BLK: variants seen among roughly 807,000 people sequenced by gnomAD.
BLK encodes the protein tyrosine-protein kinase Blk.
BLK carries 64 observed loss-of-function variants against 61.8 expected under a neutral mutation model. The observed-to-expected ratio is 1.03, with a 90% CI of 0.85 to 1.27. BLK has a LOEUF of 1.27. BLK is among the 50% of genes most tolerant of loss of function. The pLI, the probability that BLK is intolerant of heterozygous loss-of-function variation, is 0.00. For synonymous variants in BLK, 351 were observed against 272.0 expected (o/e 1.29, Z -2.86); for missense variants, 853 against 660.5 (o/e 1.29, Z -3.19).
chr8:11,512,598 G>C (rs943470498), intron 1 of BLK, among the ~76,000 whole-genome samples: 5 of 152,202 alleles, frequency 3.3e-5, no homozygotes, highest in African/African-American at 1.2e-4. Context: ...TATAGATAAA[G>C]CCATTGAGGC....
rs184225869 is a variant in BLK, at chr8:11,500,688, G to A, written c.-2+6097G>A. 1.7e-4 allele frequency among the ~76,000 whole-genome samples: 26 copies of A among 150,702 alleles called. No homozygotes were observed. The East Asian group carries it at 2.2e-3, about 13-fold the overall frequency. On this transcript the variant is annotated intron_variant, in intron 1 of 12. Coordinates refer to ENST00000259089, the MANE Select transcript of BLK (RefSeq NM_001715.3). ...GCACCACCACGCCTGGCTAATTTTGGTTTTTGTAGAGATGGGTTTTTACCA... is the reference window on the plus strand; with the variant it reads ...GCACCACCACGCCTGGCTAATTTTGATTTTTGTAGAGATGGGTTTTTACCA...
At chr8:11,561,219 G>T (rs1414030583) in intron 10 of BLK, 83 bp from the exon 11 acceptor site, 5 of 1,542,656 alleles carry the variant, frequency 3.2e-6, no homozygotes, top group Non-Finnish European at 4.4e-6. Context: ...CAGCCCACAG[G>T]GGCTGTGCGG....
rs374490204 is a variant in BLK, at chr8:11,516,975, G to A, written c.-2+22384G>A. 4.6e-5 allele frequency among the ~76,000 whole-genome samples: 7 copies of A among 152,350 alleles called. No individual in the cohort carries two copies. The East Asian group carries it at 5.8e-4, about 13-fold the overall frequency. On this transcript the variant is annotated intron_variant, in intron 1 of 12. Coordinates refer to ENST00000259089, the MANE Select transcript of BLK (RefSeq NM_001715.3). ...TTGCTGGATCATATGGTAATTCTAT[G>A]TTTAATTTGTCGAGGAGACTCCATA...
chr8:11,561,221 G>T lies in BLK; in HGVS notation c.1030-81G>T, dbSNP rs537449632. ...GCTCCTTCCCCAGCAGCCCACAGGGGCTGTGCGGGGGACACAGTGTGGGCT... is the reference window on the plus strand; with the variant it reads ...GCTCCTTCCCCAGCAGCCCACAGGGTCTGTGCGGGGGACACAGTGTGGGCT... On this transcript the variant is annotated intron_variant, in intron 10 of 12. Coordinates refer to ENST00000259089, the MANE Select transcript of BLK (RefSeq NM_001715.3). 6 of 1,545,868 alleles carry T rather than the reference G, an allele frequency of 3.9e-6. No homozygotes were observed. The Admixed American group carries it at 9.5e-5, about 24-fold the overall frequency.
chr8:11,514,774 C>T (rs923123648), intron 1 of BLK, among the ~76,000 whole-genome samples: 2 of 152,192 alleles, frequency 1.3e-5, no homozygotes, highest in African/African-American at 2.4e-5. Context: ...GGCTGAGCAT[C>T]AGAATGGGGG....
intron 1 of BLK, among the ~76,000 whole-genome samples, chr8:11,524,849 C>T (rs747531991): frequency 6.6e-6 from 1 of 151,544 alleles, no homozygotes; most frequent in Non-Finnish European, 1.5e-5. Context: ...AAAAAGATGA[C>T]CGTGATACGC....
chr8:11,497,401 T>C (rs1472774709), intron 1 of BLK, among the ~76,000 whole-genome samples: 1 of 152,096 alleles, frequency 6.6e-6, no homozygotes. Context: ...TTGCATTTGC[T>C]CTGACGTCCA....
At position 11,555,324 on chromosome 8, in the gene BLK, T is replaced by C; in HGVS notation, c.620-8T>C. ...ACCCCCAGCCCTGTCTTTTCTTCCCTAATGCAGAGAAGGGGGATGGTCTAT... is the reference window on the plus strand; with the variant it reads ...ACCCCCAGCCCTGTCTTTTCTTCCCCAATGCAGAGAAGGGGGATGGTCTAT... On this transcript the variant is annotated splice_region_variant and splice_polypyrimidine_tract_variant and intron_variant, in intron 7 of 12. Transcript: ENST00000259089. 2 of 1,614,048 alleles carry C rather than the reference T, an allele frequency of 1.2e-6. No homozygotes were observed. Among genetic ancestry groups the C allele is most frequent in the African/African-American group, 1.3e-5 (1 of 75,012 alleles).
intron 9 of BLK, 97 bp from the exon 10 acceptor site, chr8:11,557,865 C>A: frequency 9.4e-7 from 1 of 1,060,076 alleles, no homozygotes; most frequent in Non-Finnish European, 1.5e-6. Context: ...ACTCCCACTT[C>A]CCGCGCCCAT....
At chr8:11,514,400 G>C (rs1241471827) in intron 1 of BLK, among the ~76,000 whole-genome samples, 1 of 152,232 alleles carries the variant, frequency 6.6e-6, no homozygotes, top group Admixed American at 6.5e-5. Flanking sequence ...GTGTTTGCGG[G>C]CTACAGGCAA....
intron 12 of BLK, among the ~76,000 whole-genome samples, chr8:11,563,558 G>A (rs1801589308): frequency 6.6e-6 from 1 of 152,202 alleles, no homozygotes; most frequent in Non-Finnish European, 1.5e-5. Flanking sequence ...CGGGTCACCT[G>A]CTGCTGTGTG....
intron 1 of BLK, among the ~76,000 whole-genome samples, chr8:11,508,936 G>A (rs867896317): frequency 6.6e-5 from 10 of 152,170 alleles, no homozygotes; most frequent in Admixed American, 3.9e-4. Flanking sequence ...AATGCTGGGC[G>A]CCTTTTGTGC....
At chr8:11,544,436 A>C (rs1326210578) in intron 2 of BLK, among the ~76,000 whole-genome samples, 1 of 152,160 alleles carries the variant, frequency 6.6e-6, no homozygotes, top group Non-Finnish European at 1.5e-5. Context: ...GACGGGGATT[A>C]CTAATCCCAC....
chr8:11,558,394 G>A (rs765115978), intron 10 of BLK: 1 of 370,520 alleles, frequency 2.7e-6, no homozygotes, highest in South Asian at 2.1e-5. Context: ...AGGCAAGTGT[G>A]TTCTGTTGTG....
intron 6 of BLK, chr8:11,553,287 C>T (rs929236915): frequency 5.9e-6 from 2 of 339,872 alleles, no homozygotes; most frequent in East Asian, 8.7e-5. Context: ...AGTTTCACAG[C>T]TCAAAGGCAG....
chr8:11,550,045 C>T lies in BLK; in HGVS notation c.369-114C>T, dbSNP rs947704229. On this transcript the variant is annotated intron_variant, in intron 5 of 12. Coordinates refer to ENST00000259089, the MANE Select transcript of BLK (RefSeq NM_001715.3). ...GCAGCAGCTCAGGGCCGACTGGGAC[C>T]AGAAATGCTAGATTTTTATTTCTTG... 6.1e-6 allele frequency: 6 copies of T among 976,572 alleles called. No homozygotes were observed. The African/African-American group carries it at 9.6e-5, about 16-fold the overall frequency. 60.5% of individuals were successfully genotyped at this position (976,572 alleles called of 1,614,324 possible).
intron 10 of BLK, chr8:11,559,913 T>C: frequency 2.2e-6 from 1 of 449,236 alleles, no homozygotes; most frequent in Admixed American, 2.4e-5. Context: ...GCTCAGCAGA[T>C]CTGGGCAGCT....
intron 1 of BLK, among the ~76,000 whole-genome samples, chr8:11,507,167 G>A (rs1798805039): frequency 6.6e-6 from 1 of 152,200 alleles, no homozygotes; most frequent in South Asian, 2.1e-4. Context: ...ACAAGGCCAG[G>A]AGCCAAGTAA....
At chr8:11,525,355 G>T (rs1442552191) in intron 1 of BLK, among the ~76,000 whole-genome samples, 2 of 152,146 alleles carry the variant, frequency 1.3e-5, no homozygotes, top group African/African-American at 2.4e-5. Flanking sequence ...GTCCCCAGAA[G>T]TCTCACTGTT....
Sources: allele counts gnomAD v4.1 joint callset (sites outside exome capture counted in the v4.1 genomes callset), GRCh38; gene constraint gnomAD v4.1.1; transcripts MANE v1.5; gene names NCBI Gene and HGNC (gene_info 2026-07-23, HGNC 2026-07-21).